The following LRIG3 variants were observed in gnomAD, a reference collection of about 807,000 sequenced individuals.
LRIG3 encodes leucine rich repeats and immunoglobulin like domains 3, also known as leucine-rich repeats and immunoglobulin-like domains protein 3.
LRIG3 carries 76 observed loss-of-function variants against 114.5 expected under a neutral mutation model. The observed-to-expected ratio is 0.66, with a 90% confidence interval of 0.55 to 0.80. The LOEUF is 0.80. Ranked by LOEUF, LRIG3 falls within the 30% of genes least tolerant of loss-of-function variation. LRIG3 has a pLI of 0.00. For missense variants in LRIG3, 1,239 were observed against 1,382.8 expected (o/e 0.90, Z 1.65); for synonymous variants, 512 against 519.8 (o/e 0.98, Z 0.20).
chr12:58,918,737 A>G (rs915477469), intron 1 of LRIG3, among the ~76,000 whole-genome samples: 7 of 152,344 alleles, frequency 4.6e-5, no homozygotes, highest in Non-Finnish European at 8.8e-5. Context: ...GCTTTCGGTT[A>G]AAGACCTTAT....
At chr12:58,890,329 T>C (rs1328326414) in intron 4 of LRIG3, among the ~76,000 whole-genome samples, 190 bp from the exon 5 acceptor site, 2 of 152,228 alleles carry the variant, frequency 1.3e-5, no homozygotes, top group East Asian at 3.8e-4. Flanking sequence ...GATTAAAATA[T>C]GTGACGGATG....
chr12:58,880,697 T>C lies in LRIG3; in HGVS notation c.1685A>G (p.Tyr562Cys). 6.2e-7 allele frequency: 1 copy of C among 1,614,222 alleles called. No individual in the cohort carries two copies. The highest frequency in any genetic ancestry group is 8.5e-7 in the Non-Finnish European group (1 of 1,180,038). Residue 562 changes from tyrosine to cysteine, a missense_variant, in exon 13 of 19, where the codon TAT (tyrosine) becomes TGT (cysteine). Transcript: ENST00000320743. ...CTCGCGCAGCCGAAGGATGGTGGTA[T>C]ACTCCATCACCTCGCCACCTTGGGC... is the stretch of plus-strand genomic sequence containing the variant. Reference protein sequence around the residue: ...LRAQGGEVMEYTTILRLREVE... With the variant: ...LRAQGGEVMECTTILRLREVE...
At chr12:58,914,231 C>T (rs1445641876) in intron 2 of LRIG3, 34 bp downstream of exon 2, 1 of 1,603,006 alleles carries the variant, frequency 6.2e-7, no homozygotes, top group African/African-American at 1.3e-5. Context: ...ACGTATTTTA[C>T]TCAAACCTTA....
rs1565616463 is a variant in LRIG3, at chr12:58,886,805, CT to C, written c.1172+4del. The C allele has an allele frequency of 6.2e-7, 1 of 1,612,320 alleles. No individual in the cohort carries two copies. The highest frequency in any genetic ancestry group is 2.2e-5 in the East Asian group (1 of 44,842). ...GAGCTAAATTATGAGGCAATTCATA[CT>C]CACAGTCGCCTCAGTTTGTCAAGCC... On this transcript the variant is annotated splice_donor_region_variant and intron_variant, in intron 9 of 18. Transcript: ENST00000320743.
intron 3 of LRIG3, among the ~76,000 whole-genome samples, chr12:58,900,519 G>A (rs529427518): frequency 2.6e-5 from 4 of 152,018 alleles, no homozygotes; most frequent in Non-Finnish European, 4.4e-5. Context: ...TTAATAGCAC[G>A]CCTTCTATAG....
chr12:58,873,811 T>C (rs1003166494), intron 18 of LRIG3: 10 of 552,690 alleles, frequency 1.8e-5, no homozygotes, highest in Admixed American at 3.3e-5. Context: ...TTGGAGTAGA[T>C]GCCACACACA....
At chr12:58,880,450 G>C in intron 13 of LRIG3, 131 bp downstream of exon 13, 1 of 899,844 alleles carries the variant, frequency 1.1e-6, no homozygotes, top group South Asian at 1.4e-5. Flanking sequence ...TGGAATGAAA[G>C]GTAGGGAAAG....
rs145468616 is a variant in LRIG3, at chr12:58,898,725, C to T, written c.384-7929G>A. ...CCACGGTGGAGTGCAGTGGCACGAT[C>T]TCGGCTCACTGCAACCTCCGACTCC... On this transcript the variant is annotated intron_variant, in intron 3 of 18. Transcript: ENST00000320743. Among the ~76,000 whole-genome samples, 1,210 of 152,182 alleles carry T rather than the reference C, an allele frequency of 8.0e-3. 17 individuals are homozygous for T. Among genetic ancestry groups the T allele is most frequent in the African/African-American group, 0.028 (1,152 of 41,530 alleles).
rs765295720 is a variant in LRIG3, at chr12:58,872,670, T to C, written c.3262A>G (p.Arg1088Gly). 6.2e-7 allele frequency: 1 copy of C among 1,614,046 alleles called. No homozygotes were observed. ...DSGSEEDGKE[R>G]TDFQEENHIC... ...TGATTTTCTTCCTGAAAATCTGTCC[T>C]TTCTTTCCCATCTTCCTCTGACCCA... The change falls in exon 19 of 19, where the codon AGG becomes GGG. Residue 1088 changes from arginine (R) to glycine (G), a missense_variant. By Grantham distance (125) the Arg-to-Gly change is moderately radical (BLOSUM62 -2). Transcript: ENST00000320743.
rs75962669 is a variant in LRIG3, at chr12:58,881,950, G to A, written c.1480+919C>T. ...TTGGGACTAAAAAACTATGAAACAAGGACCATGGGAAAGGAGCAGTTCAGG... is the reference window on the plus strand; with the variant it reads ...TTGGGACTAAAAAACTATGAAACAAAGACCATGGGAAAGGAGCAGTTCAGG... On this transcript the variant is annotated intron_variant, in intron 12 of 18. Transcript: ENST00000320743. 9.3e-3 allele frequency among the ~76,000 whole-genome samples: 1,411 copies of A among 152,308 alleles called. 20 individuals are homozygous for A. Among genetic ancestry groups the A allele is most frequent in the African/African-American group, 0.032 (1,316 of 41,566 alleles).
At chr12:58,883,924 T>C (rs1411118371) in intron 10 of LRIG3, among the ~76,000 whole-genome samples, 1 of 152,210 alleles carries the variant, frequency 6.6e-6, no homozygotes, top group East Asian at 1.9e-4. Context: ...CTTCTAAATA[T>C]ACAAATAAAA....
Position 58,888,427 on chromosome 12 carries a change from A to G in LRIG3, c.849T>C (p.Leu283=), listed in dbSNP as rs771403434. The G allele has an allele frequency of 6.2e-7, 1 of 1,613,828 alleles. No individual in the cohort carries two copies. Among genetic ancestry groups the G allele is most frequent in the African/African-American group, 1.3e-5 (1 of 74,916 alleles). The stretch of plus-strand genomic sequence containing the variant: ...GTTCCTGCAGCATCAGCAAGCCGTA[A>G]AGCCAGCCTTTGGTAATCTCTGTTA... ...NNLTEITKGW[L]YGLLMLQELH... The change falls in exon 7 of 19, where the codon CTT becomes CTC. Residue 283 remains leucine (L), a synonymous_variant. Transcript: ENST00000320743.
chr12:58,912,753 G>C (rs764729903), intron 3 of LRIG3, among the ~76,000 whole-genome samples: 1 of 152,088 alleles, frequency 6.6e-6, no homozygotes, highest in Non-Finnish European at 1.5e-5. Context: ...AGGCCACCTT[G>C]GTCAAACAAG....
chr12:58,882,119 C>T (rs1363680523), intron 12 of LRIG3, among the ~76,000 whole-genome samples: 1 of 152,054 alleles, frequency 6.6e-6, no homozygotes, highest in Non-Finnish European at 1.5e-5. Flanking sequence ...TTTTTAAATG[C>T]CAATGCAAAA....
chr12:58,907,383 A>G, intron 3 of LRIG3, among the ~76,000 whole-genome samples: 1 of 152,184 alleles, frequency 6.6e-6, no homozygotes, highest in African/African-American at 2.4e-5. Flanking sequence ...CCATGAAGAG[A>G]GAAGTTTTCC....
At chr12:58,915,774 G>A (rs935838777) in intron 1 of LRIG3, among the ~76,000 whole-genome samples, 1 of 152,160 alleles carries the variant, frequency 6.6e-6, no homozygotes, top group Non-Finnish European at 1.5e-5. Flanking sequence ...AAGTCCATCT[G>A]GAGTTCATCA....
At chr12:58,898,457 GT>G (rs1262431279) in intron 3 of LRIG3, among the ~76,000 whole-genome samples, 1 of 152,152 alleles carries the variant, frequency 6.6e-6, no homozygotes, top group Non-Finnish European at 1.5e-5. Context: ...CCTCTTGGGG[GT>G]TTCTTTCACC....
Position 58,880,841 on chromosome 12 carries a change from G to T in LRIG3, c.1541C>A (p.Ser514Tyr). The change falls in exon 13 of 19, where the codon TCC becomes TAC. Residue 514 changes from serine (S) to tyrosine (Y), a missense_variant. Physicochemically the swap from Ser to Tyr is moderately radical, Grantham distance 144 (BLOSUM62 -2). Coordinates refer to ENST00000320743, the MANE Select transcript of LRIG3 (RefSeq NM_153377.5). ...AGCTGAGCAGATGAAACTCAAATTGGAACCTTTTATTGCCGACTGTGTTTC... is the reference window on the plus strand; with the variant it reads ...AGCTGAGCAGATGAAACTCAAATTGTAACCTTTTATTGCCGACTGTGTTTC... ...QPETQSAIKG[S>Y]NLSFICSAAS... 1.9e-6 allele frequency: 3 copies of T among 1,614,166 alleles called. No homozygotes were observed. Among genetic ancestry groups the T allele is most frequent in the Non-Finnish European group, 2.5e-6 (3 of 1,180,018 alleles).
intron 3 of LRIG3, among the ~76,000 whole-genome samples, chr12:58,903,118 T>C (rs1871928316): frequency 6.6e-6 from 1 of 152,194 alleles, no homozygotes; most frequent in East Asian, 1.9e-4. Flanking sequence ...ATGGTATTTC[T>C]AGTTCTAGAT....
Sources: allele counts gnomAD v4.1 joint callset (sites outside exome capture counted in the v4.1 genomes callset), GRCh38; gene constraint gnomAD v4.1.1; transcripts MANE v1.5; gene names NCBI Gene and HGNC (gene_info 2026-07-23, HGNC 2026-07-21).